Variants in ITGA1 observed in about 807,000 individuals in gnomAD.
ITGA1 encodes integrin subunit alpha 1.
ITGA1 carries 85 observed loss-of-function variants against 145.9 expected under a neutral mutation model. The observed-to-expected ratio is 0.58, with a 90% CI of 0.49 to 0.70. The LOEUF (loss-of-function observed/expected upper bound fraction) is 0.70, where lower values mean the gene tolerates loss of function less well. ITGA1 is among the 30% of genes least tolerant of loss of function. The pLI is 0.00. For synonymous variants in ITGA1, 520 were observed against 495.3 expected, an observed-to-expected ratio of 1.05 and a Z score of -0.66; for missense variants, 1,351 against 1,418.7, an observed-to-expected ratio of 0.95 and a Z score of 0.77.
chr5:52,832,592 T>C (rs1241885904), intron 1 of ITGA1, among the ~76,000 whole-genome samples: 4 of 152,184 alleles, frequency 2.6e-5, no homozygotes, highest in Non-Finnish European at 5.9e-5. Flanking sequence ...CATATTTTCT[T>C]ACACCTATGG....
At chr5:52,801,244 G>A in intron 1 of ITGA1, 2 of 1,177,338 alleles carry the variant, frequency 1.7e-6, no homozygotes, top group Non-Finnish European at 2.4e-6. Flanking sequence ...ATTTTCATGA[G>A]ATAATGAAAT....
At chr5:52,824,687 C>G (rs1172187074) in intron 1 of ITGA1, 1 of 151,994 alleles carries the variant, frequency 6.6e-6, no homozygotes, top group African/African-American at 2.4e-5. Context: ...GCAGAATGCC[C>G]AATTACACAA....
intron 26 of ITGA1, among the ~76,000 whole-genome samples, chr5:52,942,596 C>T (rs1446375608): frequency 2.0e-5 from 3 of 150,588 alleles, no homozygotes; most frequent in African/African-American, 7.3e-5. Context: ...AGTGGCGCGA[C>T]CTTGGCTCAC....
chr5:52,910,995 T>C (rs1198202400), intron 14 of ITGA1, among the ~76,000 whole-genome samples: 1 of 123,940 alleles, frequency 8.1e-6, no homozygotes. Flanking sequence ...ATACTATATA[T>C]AGTATGTATA....
intron 1 of ITGA1, chr5:52,800,751 T>C: frequency 6.2e-7 from 1 of 1,614,186 alleles, no homozygotes; most frequent in Non-Finnish European, 8.5e-7. Flanking sequence ...AGTGGGATAG[T>C]GTGGTACTGG....
At chr5:52,935,572 A>G (rs1750953254) in intron 23 of ITGA1, among the ~76,000 whole-genome samples, 2 of 152,288 alleles carry the variant, frequency 1.3e-5, no homozygotes, top group South Asian at 4.1e-4. Flanking sequence ...CATAGATAAA[A>G]CAAAGATAAT....
intron 7 of ITGA1, among the ~76,000 whole-genome samples, chr5:52,883,858 G>A (rs1296663604): frequency 6.6e-6 from 1 of 152,164 alleles, no homozygotes; most frequent in Non-Finnish European, 1.5e-5. Context: ...GTTGAAACAG[G>A]AAAGGTGTAC....
At chr5:52,901,255 C>A (rs988730294) in intron 11 of ITGA1, among the ~76,000 whole-genome samples, 1 of 152,152 alleles carries the variant, frequency 6.6e-6, no homozygotes, top group African/African-American at 2.4e-5. Flanking sequence ...TCTAGAGCTA[C>A]AAAGGGCAAG....
chr5:52,796,448 A>C (rs947844022), intron 1 of ITGA1, among the ~76,000 whole-genome samples: 1 of 152,030 alleles, frequency 6.6e-6, no homozygotes, highest in East Asian at 1.9e-4. Flanking sequence ...CAGCCAATAC[A>C]TAAGTATAAA....
At chr5:52,835,552 G>A (rs1187221759) in intron 1 of ITGA1, among the ~76,000 whole-genome samples, 1 of 152,186 alleles carries the variant, frequency 6.6e-6, no homozygotes, top group African/African-American at 2.4e-5. Flanking sequence ...CTGAGCCAGA[G>A]TAGTAATGAG....
At position 52,909,006 on chromosome 5, in the gene ITGA1, G is replaced by C; in HGVS notation, c.1564G>C (p.Glu522Gln). Residue 522 changes from glutamate (E) to glutamine (Q), a missense_variant, in exon 13 of 29, where the codon GAG becomes CAG. Physicochemically the swap from Glu to Gln is conservative, Grantham distance 29. Coordinates refer to ENST00000282588, the MANE Select transcript of ITGA1 (RefSeq NM_181501.2). ...APMYMGTEKEEQGKVYVYALN... is the reference protein window; with the variant it reads ...APMYMGTEKEQQGKVYVYALN... ...TATGTACATGGGAACAGAGAAGGAGGAGCAAGGAAAAGTGTATGTGTATGC... is the reference window on the plus strand; with the variant it reads ...TATGTACATGGGAACAGAGAAGGAGCAGCAAGGAAAAGTGTATGTGTATGC... The C allele has an allele frequency of 6.2e-7, 1 of 1,613,904 alleles. No individual in the cohort carries two copies. The highest frequency in any genetic ancestry group is 1.1e-5 in the South Asian group (1 of 91,066).
chr5:52,925,590 A>T, intron 19 of ITGA1, 103 bp downstream of exon 19: 1 of 867,280 alleles, frequency 1.2e-6, no homozygotes, highest in Non-Finnish European at 1.8e-6. Context: ...ATTTTGAAAG[A>T]ATAGAAGGAA....
At chr5:52,809,694 C>T (rs11743836) in intron 1 of ITGA1, among the ~76,000 whole-genome samples, 39,925 of 151,422 alleles carry the variant, frequency 0.26, 5,501 homozygotes, top group Non-Finnish European at 0.3. Flanking sequence ...TTAGTAGAGA[C>T]GGGGTTTCAC....
rs928357348 is a variant in ITGA1 at position 52,886,927 on chromosome 5, C to A, written c.774-888C>A. On this transcript the variant is annotated intron_variant, in intron 7 of 28. Coordinates refer to ENST00000282588, the MANE Select transcript of ITGA1 (RefSeq NM_181501.2). ...CAGAGTAGCTGGGACTACAGGCGCC[C>A]GCCACCGCACCCGGCTAATTTTTTG... Among the ~76,000 whole-genome samples, 123 of 152,082 alleles carry A rather than the reference C, an allele frequency of 8.1e-4. 1 individual carries two copies. Among genetic ancestry groups the A allele is most frequent in the African/African-American group, 2.8e-3 (117 of 41,418 alleles).
intron 11 of ITGA1, among the ~76,000 whole-genome samples, chr5:52,901,014 AC>A (rs2111834379): frequency 6.6e-6 from 1 of 152,308 alleles, no homozygotes; most frequent in Admixed American, 6.5e-5. Flanking sequence ...CTGGACCCAT[AC>A]TTTGCATGGC....
intron 1 of ITGA1, chr5:52,800,061 T>A (rs976446644): frequency 6.3e-6 from 2 of 318,234 alleles, no homozygotes; most frequent in South Asian, 6.8e-5. Flanking sequence ...GAGACGTGCG[T>A]CGGGTCGCGG....
intron 8 of ITGA1, among the ~76,000 whole-genome samples, chr5:52,888,992 C>T (rs1197937780): frequency 1.3e-5 from 2 of 152,194 alleles, no homozygotes; most frequent in Non-Finnish European, 2.9e-5. Context: ...TCTGCCACTG[C>T]CTTCTCTCTA....
At chr5:52,864,637 T>A (rs1379157084) in intron 3 of ITGA1, 126 bp from the exon 4 acceptor site, 3 of 632,782 alleles carry the variant, frequency 4.7e-6, no homozygotes, top group African/African-American at 1.8e-5. Context: ...GGAAGACTAA[T>A]TAGTTGAACC....
At chr5:52,906,979 G>A (rs143937122) in intron 12 of ITGA1, among the ~76,000 whole-genome samples, 15 of 152,284 alleles carry the variant, frequency 9.9e-5, no homozygotes, top group East Asian at 3.9e-4. Flanking sequence ...AGGGCAGGCC[G>A]GCTACAAGAG....
Sources: gnomAD v4.1 joint callset for allele counts (sites outside exome capture counted in the v4.1 genomes callset) on GRCh38, gnomAD v4.1.1 for gene constraint, MANE v1.5 for transcripts, NCBI Gene and HGNC (gene_info 2026-07-23, HGNC 2026-07-21) for gene names.